The following RNF115 variants were observed in gnomAD, a reference collection of about 807,000 sequenced individuals.
The protein encoded by RNF115 is E3 ubiquitin-protein ligase RNF115.
In RNF115, 31 loss-of-function variants were observed where a neutral mutation model predicts 39.2. That is an observed-to-expected ratio of 0.79 (90% CI 0.59 to 1.07). RNF115 has a LOEUF of 1.07. Ranked by LOEUF, RNF115 falls within the 50% of genes least tolerant of loss-of-function variation. RNF115 has a pLI of 0.00. For missense variants in RNF115, 384 were observed against 381.7 expected, an observed-to-expected ratio of 1.01 and a Z score of -0.05; for synonymous variants, 124 against 131.0, an observed-to-expected ratio of 0.95 and a Z score of 0.37.
chr1:145,795,783 CTAAA>C (rs1203102973), intron 1 of RNF115, among the ~76,000 whole-genome samples: 1 of 152,126 alleles, frequency 6.6e-6, no homozygotes, highest in Non-Finnish European at 1.5e-5. Context: ...TAAAAGCTTT[CTAAA>C]TAGTTATATT....
chr1:145,814,039 G>A (rs1570696499), intron 1 of RNF115, among the ~76,000 whole-genome samples: 2 of 137,366 alleles, frequency 1.5e-5, no homozygotes, highest in African/African-American at 5.4e-5. Flanking sequence ...TACTTTGGGA[G>A]GCCGAAGCAG....
chr1:145,758,845 T>C (rs1658396105), intron 4 of RNF115, among the ~76,000 whole-genome samples: 1 of 152,218 alleles, frequency 6.6e-6, no homozygotes, highest in Non-Finnish European at 1.5e-5. Context: ...GCATAAGAGC[T>C]GTTGCTCAGA....
rs587657931 is a variant in RNF115 at position 145,812,818 on chromosome 1, G to A, written c.102+10954C>T. Among the ~76,000 whole-genome samples, 4 of 149,666 alleles carry A rather than the reference G, an allele frequency of 2.7e-5. No individual in the cohort carries two copies. The South Asian group carries it at 8.7e-4, about 32-fold the overall frequency. On this transcript the variant is annotated intron_variant, in intron 1 of 8. Coordinates refer to ENST00000582693, the MANE Select transcript of RNF115 (RefSeq NM_014455.4). The stretch of plus-strand genomic sequence containing the variant: ...ATTTTTTTTTAAGAGATGGGGTTTC[G>A]CCATATCACCCAGGCTGGTCTCAAA...
chr1:145,791,608 C>A (rs1330569710), intron 1 of RNF115, among the ~76,000 whole-genome samples: 1 of 151,986 alleles, frequency 6.6e-6, no homozygotes, highest in Non-Finnish European at 1.5e-5. Context: ...TATTTCTATT[C>A]TATCTTCTGT....
At chr1:145,817,554 A>C (rs1200952823) in intron 1 of RNF115, among the ~76,000 whole-genome samples, 1 of 144,810 alleles carries the variant, frequency 6.9e-6, no homozygotes, top group African/African-American at 2.5e-5. Flanking sequence ...ATTGACTATA[A>C]ATGGTTTTTA....
chr1:145,800,802 T>A (rs1185879611), intron 1 of RNF115, among the ~76,000 whole-genome samples: 1 of 152,206 alleles, frequency 6.6e-6, no homozygotes, highest in Non-Finnish European at 1.5e-5. Flanking sequence ...TAATAAGTTA[T>A]TGTATTAAGC....
At chr1:145,765,384 C>T (rs112969887) in intron 4 of RNF115, among the ~76,000 whole-genome samples, 1 of 151,446 alleles carries the variant, frequency 6.6e-6, no homozygotes, top group Non-Finnish European at 1.5e-5. Flanking sequence ...CTGCCAAATC[C>T]CCCTCTGCGA....
Position 145,769,441 on chromosome 1 carries a change from T to A in RNF115, c.428+2270A>T, listed in dbSNP as rs782063479. On this transcript the variant is annotated intron_variant, in intron 4 of 8. Coordinates refer to ENST00000582693, the MANE Select transcript of RNF115 (RefSeq NM_014455.4). The stretch of plus-strand genomic sequence containing the variant: ...TCCACTTATTCAAAACAAACATGTT[T>A]AGTAGCCACTATAAAACCGATACTG... Among the ~76,000 whole-genome samples the A allele has an allele frequency of 1.3e-4, 20 of 152,188 alleles. 1 individual carries two copies. Among genetic ancestry groups the A allele is most frequent in the Non-Finnish European group, 2.8e-4 (19 of 68,034 alleles).
In RNF115 at chr1:145,756,218, T is replaced by C. The variant is rs587772366; in HGVS notation, c.429-3169A>G. 3.9e-5 allele frequency among the ~76,000 whole-genome samples: 6 copies of C among 152,174 alleles called. No homozygotes were observed. In the East Asian group the frequency reaches 1.2e-3, roughly 29 times the overall value. Reference sequence around the variant, plus strand: ...GCTCACGCCTATAATCCCAGCACTTTGGGAGGTCAAGGCAGGAGGATCACT... The same window carrying C: ...GCTCACGCCTATAATCCCAGCACTTCGGGAGGTCAAGGCAGGAGGATCACT... On this transcript the variant is annotated intron_variant, in intron 4 of 8. Transcript: ENST00000582693.
rs1388320764 is a variant in RNF115 at position 145,784,323 on chromosome 1, C to T, written c.219+216G>A. ...CAGTTTAAAAGAATACAGTTTGAGGCTATTACTTTCTCCTAATCAAGGGTT... is the reference window on the plus strand; with the variant it reads ...CAGTTTAAAAGAATACAGTTTGAGGTTATTACTTTCTCCTAATCAAGGGTT... On this transcript the variant is annotated intron_variant, in intron 3 of 8. Coordinates refer to ENST00000582693, the MANE Select transcript of RNF115 (RefSeq NM_014455.4). Among the ~76,000 whole-genome samples, 4 of 152,150 alleles carry T rather than the reference C, an allele frequency of 2.6e-5. No individual in the cohort carries two copies. The East Asian group carries it at 7.7e-4, about 29-fold the overall frequency.
intron 1 of RNF115, among the ~76,000 whole-genome samples, chr1:145,789,701 T>TA (rs1648571409): frequency 1.8e-5 from 1 of 56,422 alleles, no homozygotes; most frequent in South Asian, 5.9e-4. Flanking sequence ...CCCGGACTTC[T>TA]TTTTTTTTTT....
In RNF115 at chr1:145,791,486, T is replaced by C. The variant is rs1228527840; in HGVS notation, c.103-2520A>G. On this transcript the variant is annotated intron_variant, in intron 1 of 8. Transcript: ENST00000582693. ...AAGATCACGCCATTGCACTCCAGCC[T>C]GGGCAACAAGAGCGAAACTCCACCT... 4.8e-5 allele frequency among the ~76,000 whole-genome samples: 7 copies of C among 146,240 alleles called. No individual in the cohort carries two copies. The Admixed American group carries it at 4.9e-4, about 10-fold the overall frequency.
intron 4 of RNF115, among the ~76,000 whole-genome samples, chr1:145,753,279 T>A (rs587621514): frequency 1.4e-4 from 21 of 152,284 alleles, no homozygotes; most frequent in African/African-American, 5.1e-4. Flanking sequence ...TTTTTGTGAA[T>A]TAAGCTGGAA....
At chr1:145,786,430 C>T (rs1648383034) in intron 2 of RNF115, among the ~76,000 whole-genome samples, 1 of 152,156 alleles carries the variant, frequency 6.6e-6, no homozygotes, top group African/African-American at 2.4e-5. Context: ...AAGATTTCGT[C>T]TTTCATTTAA....
chr1:145,794,269 AATT>A (rs782672426), intron 1 of RNF115, among the ~76,000 whole-genome samples: 1 of 152,142 alleles, frequency 6.6e-6, no homozygotes, highest in Non-Finnish European at 1.5e-5. Flanking sequence ...AAAATATTTC[AATT>A]ATTTACAAAA....
chr1:145,823,681 A>G, intron 1 of RNF115, 91 bp downstream of exon 1: 2 of 1,043,684 alleles, frequency 1.9e-6, no homozygotes, highest in Non-Finnish European at 2.7e-6. Context: ...CGGGCGAGTC[A>G]ATGATGTGCA....
chr1:145,798,735 C>A (rs1553720436), intron 1 of RNF115, among the ~76,000 whole-genome samples: 1 of 152,108 alleles, frequency 6.6e-6, no homozygotes, highest in Non-Finnish European at 1.5e-5. Context: ...TCTGTTGAAT[C>A]TGTAGATCGC....
chr1:145,760,334 T>TCA (rs1658451498), intron 4 of RNF115, among the ~76,000 whole-genome samples: 1 of 152,106 alleles, frequency 6.6e-6, no homozygotes, highest in Non-Finnish European at 1.5e-5. Flanking sequence ...GATGGGAAGA[T>TCA]CACTTGAGCC....
intron 4 of RNF115, among the ~76,000 whole-genome samples, chr1:145,764,125 G>A (rs1347205146): frequency 2.0e-5 from 3 of 152,282 alleles, no homozygotes; most frequent in South Asian, 4.1e-4. Flanking sequence ...TGTGTTGGCC[G>A]GGCTGGTCTC....
Sources: gnomAD v4.1 joint callset for allele counts (sites outside exome capture counted in the v4.1 genomes callset) on GRCh38, gnomAD v4.1.1 for gene constraint, MANE v1.5 for transcripts, NCBI Gene and HGNC (gene_info 2026-07-23, HGNC 2026-07-21) for gene names.